Variants in CPLANE1 observed in about 807,000 individuals in gnomAD.
CPLANE1 encodes ciliogenesis and planar polarity effector complex subunit 1, also known as ciliogenesis and planar polarity effector 1.
A neutral mutation model predicts 362.5 loss-of-function variants in CPLANE1; 263 were observed. That is an observed-to-expected ratio of 0.73 (90% CI 0.66 to 0.80). The LOEUF is 0.80. CPLANE1 is among the 30% of genes least tolerant of loss of function. The pLI is 0.00. For synonymous variants in CPLANE1, 1,212 were observed against 1,302.6 expected (o/e 0.93, Z 1.50); for missense variants, 3,461 against 3,793.4 (o/e 0.91, Z 2.30).
At chr5:37,190,318 C>G (rs1389496165) in intron 21 of CPLANE1, among the ~76,000 whole-genome samples, 2 of 151,818 alleles carry the variant, frequency 1.3e-5, no homozygotes, top group African/African-American at 4.8e-5. Flanking sequence ...TGCCTGTAAT[C>G]CCAGCACTTT....
At chr5:37,133,330 T>C (rs373584064) in intron 46 of CPLANE1, among the ~76,000 whole-genome samples, 7 of 152,332 alleles carry the variant, frequency 4.6e-5, no homozygotes, top group South Asian at 2.1e-4. Context: ...GGTAGCTTGA[T>C]AGAAATAGTG....
chr5:37,107,310 G>A lies in CPLANE1; in HGVS notation c.*292C>T, dbSNP rs1034288991. The A allele has an allele frequency of 2.5e-5, 28 of 1,115,906 alleles. No homozygotes were observed. Among genetic ancestry groups the A allele is most frequent in the Non-Finnish European group, 2.9e-5 (27 of 915,784 alleles). The allele number at this position is 1,115,906 out of a possible 1,614,324, so 69.1% of individuals were successfully genotyped here. A position where few individuals can be genotyped will look rare whatever the true frequency, so the allele number is the denominator to read the frequency against. ...GATAGAGGGTTTTTATTGAAAGTAG[G>A]TTATGCAAACTTGGCTTGAAAGGTA... On this transcript the variant is annotated 3_prime_UTR_variant, in exon 53 of 53. Coordinates refer to ENST00000651892, the MANE Select transcript of CPLANE1 (RefSeq NM_001384732.1).
rs1439172158 is a variant in CPLANE1, at chr5:37,247,763, A to C, written c.-47-18T>G. ...CCAAGATTCTGTAAACAATAATAGT[A>C]ATAAAATATAAATGATGCATAATAT... On this transcript the variant is annotated intron_variant, in intron 1 of 52. Transcript: ENST00000651892. 1 of 1,458,724 alleles carries C rather than the reference A, an allele frequency of 6.9e-7. No individual in the cohort carries two copies. The highest frequency in any genetic ancestry group is 1.4e-5 in the African/African-American group (1 of 69,058). 90.4% of individuals were successfully genotyped at this position (1,458,724 alleles called of 1,614,324 possible).
chr5:37,222,159 T>C (rs752350541), intron 14 of CPLANE1, among the ~76,000 whole-genome samples: 2 of 152,286 alleles, frequency 1.3e-5, no homozygotes, highest in Middle Eastern at 6.8e-3. Context: ...CCAATCTTAT[T>C]TGGGGATATA....
rs1311716669 is a variant in CPLANE1, at chr5:37,239,884, A to T, written c.678-15T>A. ...ATGGCAATGATCTAAAAAAGTAATG[A>T]AATAATTGAAAACAAAAGGTATAGT... On this transcript the variant is annotated splice_polypyrimidine_tract_variant and intron_variant, in intron 6 of 52. Transcript: ENST00000651892. The T allele has an allele frequency of 5.6e-6, 8 of 1,437,498 alleles. No homozygotes were observed. The East Asian group carries it at 2.0e-4, about 37-fold the overall frequency. 89.0% of individuals were successfully genotyped at this position (1,437,498 alleles called of 1,614,324 possible).
At chr5:37,201,477 C>A (rs889339179) in intron 19 of CPLANE1, 114 bp downstream of exon 19, 2 of 776,988 alleles carry the variant, frequency 2.6e-6, no homozygotes, top group South Asian at 1.8e-5. Context: ...GGGATCTATA[C>A]GTTTGTCTTT....
At chr5:37,114,081 G>A (rs1198036956) in intron 51 of CPLANE1, among the ~76,000 whole-genome samples, 1 of 152,194 alleles carries the variant, frequency 6.6e-6, no homozygotes, top group Non-Finnish European at 1.5e-5. Context: ...AAAGTGCTAG[G>A]ATTATAGGTG....
At chr5:37,166,689 G>A (rs1288054655) in intron 35 of CPLANE1, among the ~76,000 whole-genome samples, 1 of 152,106 alleles carries the variant, frequency 6.6e-6, no homozygotes, top group East Asian at 1.9e-4. Flanking sequence ...GGTATCCACT[G>A]AAGGTCTTGG....
chr5:37,139,382 A>T lies in CPLANE1; in HGVS notation c.8633-12T>A. On this transcript the variant is annotated splice_polypyrimidine_tract_variant and intron_variant, in intron 44 of 52. Coordinates refer to ENST00000651892, the MANE Select transcript of CPLANE1 (RefSeq NM_001384732.1). ...ACTGCTATTCATACCTAAAAAAAAA[A>T]TCATTATTAATAAAAATTTTGGGTT... 1 of 1,122,112 alleles carries T rather than the reference A, an allele frequency of 8.9e-7. No homozygotes were observed. The highest frequency in any genetic ancestry group is 1.2e-6 in the Non-Finnish European group (1 of 808,618). The allele number at this position is 1,122,112 out of a possible 1,614,324, so 69.5% of individuals were successfully genotyped here. A position where few individuals can be genotyped will look rare whatever the true frequency, so the allele number is the denominator to read the frequency against.
At chr5:37,094,642 A>T in the CPLANE1 span, among the ~76,000 whole-genome samples, 1 of 152,204 alleles carries the variant, frequency 6.6e-6, no homozygotes. Flanking sequence ...AATGAAACAA[A>T]AACCTGGTTC....
intron 44 of CPLANE1, chr5:37,140,935 T>A (rs1266721100): frequency 2.0e-6 from 2 of 985,206 alleles, no homozygotes; most frequent in Non-Finnish European, 2.4e-6. Context: ...CTTCTTCCAA[T>A]GTGGCTCAGG....
At position 37,209,987 on chromosome 5, in the gene CPLANE1, A is replaced by C; in HGVS notation, c.2921-3562T>G. 1.1e-6 allele frequency: 1 copy of C among 922,768 alleles called. No individual in the cohort carries two copies. Among genetic ancestry groups the C allele is most frequent in the South Asian group, 1.4e-5 (1 of 71,566 alleles). The allele number at this position is 922,768 out of a possible 1,614,324, so 57.2% of individuals were successfully genotyped here. On this transcript the variant is annotated intron_variant, in intron 16 of 52. Coordinates refer to ENST00000651892, the MANE Select transcript of CPLANE1 (RefSeq NM_001384732.1). This position sits in a 1 kb window ranked among gnomAD's most constrained non-coding sequence, Gnocchi z 4.6. ...TAAATGAATATAAGAGAGAAATAGA[A>C]GAGCAACTTCGGGAAGAAATATGTC...
rs774121501 is a variant in CPLANE1, at chr5:37,177,681, T to C, written c.5840A>G (p.Gln1947Arg). The C allele has an allele frequency of 6.2e-7, 1 of 1,613,630 alleles. No homozygotes were observed. The highest frequency in any genetic ancestry group is 1.7e-5 in the Admixed American group (1 of 59,972). ...QLEEEFTEEV[Q>R]CQREEPLETI... is the part of the protein sequence containing the mutation. ...CTCCAGTGGTTCTTCCCTTTGACAC[T>C]GAACCTCTTCTGTGAACTCCTGTTA... Residue 1947 changes from glutamine (Q) to arginine (R), a missense_variant, in exon 30 of 53, where the codon CAG becomes CGG. Transcript: ENST00000651892.
chr5:37,236,816 A>T (rs1580987720), intron 8 of CPLANE1, among the ~76,000 whole-genome samples: 1 of 152,224 alleles, frequency 6.6e-6, no homozygotes, highest in African/African-American at 2.4e-5. Context: ...ATATGAAAAA[A>T]TGCTCAACAT....
chr5:37,235,870 CTT>C (rs748794675), intron 8 of CPLANE1, among the ~76,000 whole-genome samples: 10 of 119,362 alleles, frequency 8.4e-5, no homozygotes, highest in African/African-American at 9.4e-5. Context: ...GTGCCCAGCA[CTT>C]TTTTTTTTTT....
intron 9 of CPLANE1, among the ~76,000 whole-genome samples, chr5:37,228,255 T>G (rs1386388165): frequency 6.6e-6 from 1 of 152,090 alleles, no homozygotes; most frequent in African/African-American, 2.4e-5. Flanking sequence ...TGGTGGTGAG[T>G]AAAATTTTAC....
chr5:37,139,227 C>T, intron 45 of CPLANE1, 113 bp downstream of exon 45: 2 of 1,071,640 alleles, frequency 1.9e-6, no homozygotes. Context: ...ACTTATATTC[C>T]TTTAAACCAC....
At chr5:37,248,099 T>C (rs1447720306) in intron 1 of CPLANE1, among the ~76,000 whole-genome samples, 1 of 149,726 alleles carries the variant, frequency 6.7e-6, no homozygotes, top group Non-Finnish European at 1.5e-5. Flanking sequence ...CCACTGAAGA[T>C]CTTAACTGAC....
Position 37,158,249 on chromosome 5 carries a change from G to A in CPLANE1, c.7787C>T (p.Ser2596Leu). 6.2e-7 allele frequency: 1 copy of A among 1,613,912 alleles called. No individual in the cohort carries two copies. Among genetic ancestry groups the A allele is most frequent in the African/African-American group, 1.3e-5 (1 of 75,024 alleles). The change falls in exon 39 of 53, where the codon TCA becomes TTA. Residue 2596 changes from serine to leucine, a missense_variant. Ser to Leu is a moderately radical substitution (Grantham distance 145, BLOSUM62 -2). Coordinates refer to ENST00000651892, the MANE Select transcript of CPLANE1 (RefSeq NM_001384732.1). ...SEMSEKPWSP[S>L]IPHTVTNLVG... ...CAAGTTTGTTACTGTATGAGGTATT[G>A]AGGGTGACCAAGGTTTCTCTGACAT...
Sources: gnomAD v4.1 joint callset for allele counts (sites outside exome capture counted in the v4.1 genomes callset) on GRCh38, gnomAD v4.1.1 for gene constraint, Gnocchi (gnomAD v3.1) non-coding constraint, MANE v1.5 for transcripts, NCBI Gene and HGNC (gene_info 2026-07-23, HGNC 2026-07-21) for gene names.